The following RSBN1L variants were observed in gnomAD, a reference collection of about 807,000 sequenced individuals.
RSBN1L encodes the protein round spermatid basic protein 1 like, also known as lysine-specific demethylase RSBN1L.
A neutral mutation model predicts 67.7 loss-of-function variants in RSBN1L; 30 were observed. The observed-to-expected ratio is 0.44, with a 90% confidence interval of 0.33 to 0.60. The LOEUF is 0.60. Among genes scored for constraint, RSBN1L ranks in the 20% least tolerant of loss-of-function variants. The pLI is 0.02. For synonymous variants in RSBN1L, 433 were observed against 387.0 expected, an observed-to-expected ratio of 1.12 and a Z score of -1.39; for missense variants, 992 against 1,031.7, an observed-to-expected ratio of 0.96 and a Z score of 0.53.
chr7:77,749,228 T>C (rs958078572), intron 2 of RSBN1L, among the ~76,000 whole-genome samples, 196 bp from the exon 3 acceptor site: 1 of 152,148 alleles, frequency 6.6e-6, no homozygotes, highest in Non-Finnish European at 1.5e-5. Flanking sequence ...GATTCCAGCC[T>C]GGGCGACAGA....
intron 1 of RSBN1L, among the ~76,000 whole-genome samples, chr7:77,715,250 A>G (rs1324659880): frequency 1.3e-5 from 2 of 152,170 alleles, no homozygotes; most frequent in Non-Finnish European, 2.9e-5. Flanking sequence ...CCAACCTGCA[A>G]CAGAGTAAGA....
chr7:77,710,353 G>A (rs575266425), intron 1 of RSBN1L, among the ~76,000 whole-genome samples: 97 of 152,276 alleles, frequency 6.4e-4, no homozygotes, highest in Non-Finnish European at 1.2e-3. Context: ...GTCTTCCACA[G>A]CTCTGGATGA....
intron 1 of RSBN1L, among the ~76,000 whole-genome samples, chr7:77,698,734 G>A (rs183837214): frequency 5.5e-4 from 84 of 152,256 alleles, no homozygotes; most frequent in African/African-American, 1.9e-3. Context: ...TAAGATGTGG[G>A]AATGATCTTT....
chr7:77,757,148 T>C (rs1201682058), intron 3 of RSBN1L, among the ~76,000 whole-genome samples: 1 of 152,272 alleles, frequency 6.6e-6, no homozygotes, highest in East Asian at 1.9e-4. Context: ...ATGATTTTTG[T>C]AGTGATAGTG....
At chr7:77,769,024 G>A (rs1447692665) in intron 5 of RSBN1L, among the ~76,000 whole-genome samples, 9 of 151,988 alleles carry the variant, frequency 5.9e-5, no homozygotes, top group Non-Finnish European at 1.2e-4. Context: ...AATGATGGAT[G>A]GAAAAAATGT....
At chr7:77,713,322 G>A (rs542409977) in intron 1 of RSBN1L, among the ~76,000 whole-genome samples, 35 of 150,916 alleles carry the variant, frequency 2.3e-4, no homozygotes, top group Admixed American at 4.0e-4. Context: ...AAATTCATCA[G>A]TAATTTAATT....
At chr7:77,750,296 G>GTTTTTTTTTTT (rs36054297) in intron 3 of RSBN1L, among the ~76,000 whole-genome samples, 7 of 57,452 alleles carry the variant, frequency 1.2e-4, no homozygotes, top group African/African-American at 3.5e-4. Context: ...AAGATTCTGT[G>GTTTTTTTTTTT]TTTTTTTTTT....
In RSBN1L at chr7:77,779,549, T is replaced by TC. The variant is rs1791968920; in HGVS notation, c.*382dup. 6.6e-6 allele frequency: 1 copy of TC among 150,892 alleles called. No individual in the cohort carries two copies. The highest frequency in any genetic ancestry group is 1.5e-5 in the Non-Finnish European group (1 of 67,700). 9.3% of individuals were successfully genotyped at this position (150,892 alleles called of 1,614,324 possible). ...TAGAGCTTATTTATATCCTTTTTTT[T>TC]CATTTTAAATGTGTCAGCACTGTAG... is the stretch of plus-strand genomic sequence containing the variant. On this transcript the variant is annotated 3_prime_UTR_variant, in exon 8 of 8. Transcript: ENST00000334955.
At chr7:77,711,415 C>G (rs770687069) in intron 1 of RSBN1L, among the ~76,000 whole-genome samples, 7 of 150,794 alleles carry the variant, frequency 4.6e-5, no homozygotes, top group Admixed American at 6.6e-5. Flanking sequence ...TTATAGCCCA[C>G]TGTAACGTCG....
In RSBN1L at chr7:77,762,664, C is replaced by T. The variant is rs879660855; in HGVS notation, c.1345-2831C>T. Among the ~76,000 whole-genome samples the T allele has an allele frequency of 3.3e-5, 5 of 152,124 alleles. No individual in the cohort carries two copies. In the South Asian group the frequency reaches 1.0e-3, roughly 32 times the overall value. ...ATATGATGTGTCTGTAATATTACCA[C>T]CCAAGTTTTACCCAATTTTTTCCTG... On this transcript the variant is annotated intron_variant, in intron 3 of 7. Transcript: ENST00000334955.
chr7:77,749,169 G>C (rs532238691), intron 2 of RSBN1L, among the ~76,000 whole-genome samples: 52 of 152,242 alleles, frequency 3.4e-4, no homozygotes, highest in Non-Finnish European at 6.3e-4. Flanking sequence ...CAGGAGAATT[G>C]CTTGAACCCA....
intron 1 of RSBN1L, among the ~76,000 whole-genome samples, chr7:77,720,196 A>G (rs544249736): frequency 1.2e-4 from 18 of 152,336 alleles, no homozygotes; most frequent in African/African-American, 3.4e-4. Context: ...AATAATAGCT[A>G]CATTTGTCCA....
At chr7:77,773,727 C>T (rs529599192) in intron 6 of RSBN1L, among the ~76,000 whole-genome samples, 11 of 152,320 alleles carry the variant, frequency 7.2e-5, no homozygotes, top group African/African-American at 2.2e-4. Context: ...CGCGCCACTG[C>T]ACTCCAGCCT....
intron 1 of RSBN1L, among the ~76,000 whole-genome samples, chr7:77,735,439 A>G (rs1353493334): frequency 1.3e-5 from 2 of 152,202 alleles, no homozygotes; most frequent in East Asian, 3.8e-4. Context: ...TTACCAATTC[A>G]GATTTAGATT....
At chr7:77,752,381 C>T (rs1001950113) in intron 3 of RSBN1L, among the ~76,000 whole-genome samples, 1 of 148,836 alleles carries the variant, frequency 6.7e-6, no homozygotes, top group Non-Finnish European at 1.5e-5. Context: ...TGTGCAAGGC[C>T]CGTATTCCTT....
intron 6 of RSBN1L, 123 bp downstream of exon 6, chr7:77,773,437 A>G: frequency 3.3e-6 from 2 of 612,000 alleles, no homozygotes; most frequent in East Asian, 3.0e-5. Flanking sequence ...GTATTTGGAT[A>G]TCTTAATTGT....
At chr7:77,776,726 CCTT>C (rs1384539737) in intron 6 of RSBN1L, among the ~76,000 whole-genome samples, 2 of 147,442 alleles carry the variant, frequency 1.4e-5, no homozygotes, top group Non-Finnish European at 3.1e-5. Context: ...GCCAATTCAG[CCTT>C]CTTCTTATTT....
rs940312136 is a variant in RSBN1L at position 77,765,753 on chromosome 7, G to T, written c.1482+121G>T. 5.7e-6 allele frequency: 4 copies of T among 704,476 alleles called. No individual in the cohort carries two copies. In the East Asian group the frequency reaches 1.1e-4, roughly 20 times the overall value. 43.6% of individuals were successfully genotyped at this position (704,476 alleles called of 1,614,324 possible). A position where few individuals can be genotyped will look rare whatever the true frequency, so the allele number is the denominator to read the frequency against. ...CTACATGCAATATAAATGAATGGCT[G>T]TTTCAGAAATAGAAACGTTTTGGTT... On this transcript the variant is annotated intron_variant, in intron 4 of 7. Transcript: ENST00000334955.
intron 3 of RSBN1L, among the ~76,000 whole-genome samples, 200 bp downstream of exon 3, chr7:77,750,264 A>G (rs1186643467): frequency 1.4e-5 from 2 of 144,244 alleles, no homozygotes; most frequent in African/African-American, 2.6e-5. Context: ...GTTTTTTTTT[A>G]AAGACAATTA....
Sources: allele counts gnomAD v4.1 joint callset (sites outside exome capture counted in the v4.1 genomes callset), GRCh38; gene constraint gnomAD v4.1.1; transcripts MANE v1.5; gene names NCBI Gene and HGNC (gene_info 2026-07-23, HGNC 2026-07-21).